Variants in ARID4B observed in about 807,000 individuals in gnomAD.
The protein encoded by ARID4B is AT-rich interactive domain-containing protein 4B.
ARID4B carries 26 observed loss-of-function variants against 147.5 expected under a neutral mutation model. The ratio of observed to expected loss-of-function variants is 0.18; its 90% CI spans 0.13 to 0.24. The LOEUF (loss-of-function observed/expected upper bound fraction) is 0.24, where lower values mean the gene tolerates loss of function less well. Among genes scored for constraint, ARID4B ranks in the 10% least tolerant of loss-of-function variants. ARID4B has a pLI of 1.00. For missense variants in ARID4B, 1,179 were observed against 1,511.5 expected, an observed-to-expected ratio of 0.78 and a Z score of 3.65; for synonymous variants, 512 against 507.9, an observed-to-expected ratio of 1.01 and a Z score of -0.11.
intron 10 of ARID4B, among the ~76,000 whole-genome samples, chr1:235,230,890 C>T (rs1451604196): frequency 1.3e-5 from 2 of 150,922 alleles, no homozygotes; most frequent in African/African-American, 4.9e-5. Flanking sequence ...GCCACTCCAC[C>T]CTGGGCGACA....
At chr1:235,298,753 T>C (rs1672928779) in intron 2 of ARID4B, among the ~76,000 whole-genome samples, 1 of 150,854 alleles carries the variant, frequency 6.6e-6, no homozygotes, top group African/African-American at 2.5e-5. Flanking sequence ...TAGAACTCCA[T>C]ATCTCTTTCA....
intron 2 of ARID4B, among the ~76,000 whole-genome samples, chr1:235,272,819 AATTT>A (rs1237486684): frequency 5.0e-5 from 6 of 118,834 alleles, no homozygotes; most frequent in African/African-American, 1.7e-4. Flanking sequence ...TGTCTATATT[AATTT>A]ATTATTACCA....
At chr1:235,211,622 A>T (rs1386072602) in intron 17 of ARID4B, among the ~76,000 whole-genome samples, 1 of 152,194 alleles carries the variant, frequency 6.6e-6, no homozygotes, top group African/African-American at 2.4e-5. Context: ...TCTGGCACTC[A>T]GGCTGGAGTA....
intron 2 of ARID4B, among the ~76,000 whole-genome samples, chr1:235,321,894 A>G (rs1674863464): frequency 6.6e-6 from 1 of 151,338 alleles, no homozygotes. Flanking sequence ...TGGACTTCTT[A>G]CCTGGAATTT....
At chr1:235,294,311 A>ATTT (rs5781824) in intron 2 of ARID4B, among the ~76,000 whole-genome samples, 28,474 of 113,936 alleles carry the variant, frequency 0.25, 5,398 homozygotes, top group South Asian at 0.5. Flanking sequence ...AACCAGCAGC[A>ATTT]TTTTTTTTTT....
At chr1:235,277,294 C>T (rs1249414935) in intron 2 of ARID4B, among the ~76,000 whole-genome samples, 4 of 151,852 alleles carry the variant, frequency 2.6e-5, no homozygotes, top group Non-Finnish European at 4.4e-5. Context: ...AATCCCAGCA[C>T]TATGGGAGGC....
At chr1:235,306,292 A>G (rs568737663) in intron 2 of ARID4B, among the ~76,000 whole-genome samples, 8 of 152,306 alleles carry the variant, frequency 5.3e-5, no homozygotes, top group Admixed American at 4.6e-4. Flanking sequence ...TCACAAGGTC[A>G]GAAGATCGAG....
intron 2 of ARID4B, among the ~76,000 whole-genome samples, chr1:235,286,463 T>A (rs1011480787): frequency 6.6e-6 from 1 of 152,206 alleles, no homozygotes; most frequent in Non-Finnish European, 1.5e-5. Flanking sequence ...TAAGTTACCA[T>A]ATGAAGTTAA....
At chr1:235,289,933 G>A (rs1279201739) in intron 2 of ARID4B, among the ~76,000 whole-genome samples, 2 of 151,910 alleles carry the variant, frequency 1.3e-5, no homozygotes, top group South Asian at 2.1e-4. Flanking sequence ...GGGAGGCTGA[G>A]GCAGAAGAAC....
At chr1:235,269,854 T>G (rs1319218961) in intron 2 of ARID4B, among the ~76,000 whole-genome samples, 1 of 152,184 alleles carries the variant, frequency 6.6e-6, no homozygotes, top group Non-Finnish European at 1.5e-5. Context: ...TAATATATAT[T>G]TATTGGGCAT....
intron 2 of ARID4B, among the ~76,000 whole-genome samples, chr1:235,281,873 G>T (rs898484526): frequency 6.6e-6 from 1 of 152,060 alleles, no homozygotes; most frequent in Non-Finnish European, 1.5e-5. Flanking sequence ...GAAAAAATCA[G>T]AAATACAAAA....
chr1:235,255,267 A>C (rs200424642), intron 5 of ARID4B, among the ~76,000 whole-genome samples: 17,655 of 136,710 alleles, frequency 0.13, 1,661 homozygotes, highest in Admixed American at 0.17. Context: ...AGATAGATAT[A>C]TATCTCTCTC....
intron 23 of ARID4B, among the ~76,000 whole-genome samples, chr1:235,169,581 G>A (rs1441179644): frequency 6.6e-6 from 1 of 151,498 alleles, no homozygotes; most frequent in East Asian, 1.9e-4. Context: ...TGTCGCCCAG[G>A]CTGGAGTGCA....
At chr1:235,283,325 A>C (rs1175933875) in intron 2 of ARID4B, among the ~76,000 whole-genome samples, 2 of 152,228 alleles carry the variant, frequency 1.3e-5, no homozygotes, top group Non-Finnish European at 2.9e-5. Context: ...ACCCTCTTAA[A>C]AAAACCTATC....
At chr1:235,284,118 T>C (rs1363422525) in intron 2 of ARID4B, among the ~76,000 whole-genome samples, 3 of 152,096 alleles carry the variant, frequency 2.0e-5, no homozygotes, top group East Asian at 1.9e-4. Context: ...TCCCACCACT[T>C]TGGAAGGCCT....
At chr1:235,169,177 A>G (rs1261419045) in intron 23 of ARID4B, among the ~76,000 whole-genome samples, 2 of 152,144 alleles carry the variant, frequency 1.3e-5, no homozygotes, top group East Asian at 3.8e-4. Context: ...TACAAAGCAA[A>G]TAACACATTA....
At chr1:235,267,177 C>A (rs1178239259) in intron 2 of ARID4B, among the ~76,000 whole-genome samples, 2 of 152,142 alleles carry the variant, frequency 1.3e-5, no homozygotes, top group Non-Finnish European at 2.9e-5. Flanking sequence ...ACTAAGGAGG[C>A]TGAGGCGGGA....
intron 2 of ARID4B, among the ~76,000 whole-genome samples, chr1:235,285,538 C>T (rs76140247): frequency 4.1e-4 from 63 of 152,288 alleles, no homozygotes; most frequent in African/African-American, 1.5e-3. Context: ...AATGCTTTTC[C>T]CTACAATTAA....
At chr1:235,270,155 C>T (rs1218544894) in intron 2 of ARID4B, among the ~76,000 whole-genome samples, 7 of 152,062 alleles carry the variant, frequency 4.6e-5, no homozygotes, top group Non-Finnish European at 5.9e-5. Flanking sequence ...TCATGACAGG[C>T]GCCTGTAGTC....
Sources: gnomAD v4.1 joint callset for allele counts (sites outside exome capture counted in the v4.1 genomes callset) on GRCh38, gnomAD v4.1.1 for gene constraint, MANE v1.5 for transcripts, NCBI Gene and HGNC (gene_info 2026-07-23, HGNC 2026-07-21) for gene names.